The following AEBP1 variants were observed in gnomAD, a reference collection of about 807,000 sequenced individuals.
The protein encoded by AEBP1 is adipocyte enhancer-binding protein 1.
AEBP1 carries 69 observed loss-of-function variants against 116.5 expected under a neutral mutation model. The ratio of observed to expected loss-of-function variants is 0.59; its 90% CI spans 0.49 to 0.72. The LOEUF (loss-of-function observed/expected upper bound fraction) is 0.72. Among genes scored for constraint, AEBP1 ranks in the 30% least tolerant of loss-of-function variants. The pLI, the probability that AEBP1 is intolerant of heterozygous loss-of-function variation, is 0.00. For missense variants in AEBP1, 1,444 were observed against 1,557.5 expected, an observed-to-expected ratio of 0.93 and a Z score of 1.23; for synonymous variants, 627 against 627.3, an observed-to-expected ratio of 1.00 and a Z score of 0.01.
In AEBP1 at chr7:44,111,820, G is replaced by A; in HGVS notation, c.1841-34G>A. On this transcript the variant is annotated intron_variant, in intron 15 of 20. Coordinates refer to ENST00000223357, the MANE Select transcript of AEBP1 (RefSeq NM_001129.5). This position sits in a 1 kb window ranked among gnomAD's most constrained non-coding sequence, Gnocchi z 4.7. Reference sequence around the variant, plus strand: ...TCCTCAGCTGCCCTGGGCCTCGGGAGACTGAGTGCTCACTGAGGCTCCCGC... The same window carrying A: ...TCCTCAGCTGCCCTGGGCCTCGGGAAACTGAGTGCTCACTGAGGCTCCCGC... 1 of 1,599,010 alleles carries A rather than the reference G, an allele frequency of 6.3e-7. No homozygotes were observed. The highest frequency in any genetic ancestry group is 8.5e-7 in the Non-Finnish European group (1 of 1,172,338).
Position 44,112,356 on chromosome 7 carries a change from A to G in AEBP1, c.2217+35A>G. On this transcript the variant is annotated intron_variant, in intron 17 of 20. Transcript: ENST00000223357. This position sits in a 1 kb window ranked among gnomAD's most constrained non-coding sequence, Gnocchi z 6.6. Reference sequence around the variant, plus strand: ...CAGCCTGGCTGAAAGGGCAGGAGGGAGCAGCTGGACCCTGGGGTCCTGGTG... The same window carrying G: ...CAGCCTGGCTGAAAGGGCAGGAGGGGGCAGCTGGACCCTGGGGTCCTGGTG... The G allele has an allele frequency of 6.6e-7, 1 of 1,518,274 alleles. No homozygotes were observed. Among genetic ancestry groups the G allele is most frequent in the Non-Finnish European group, 8.8e-7 (1 of 1,132,786 alleles). The allele number at this position is 1,518,274 out of a possible 1,614,324, so 94.1% of individuals were successfully genotyped here. A position where few individuals can be genotyped will look rare whatever the true frequency, so the allele number is the denominator to read the frequency against.
At position 44,113,366 on chromosome 7, in the gene AEBP1, C is replaced by T. The variant is rs1409727497; in HGVS notation, c.2809+15C>T. 6.2e-7 allele frequency: 1 copy of T among 1,602,298 alleles called. No individual in the cohort carries two copies. The highest frequency in any genetic ancestry group is 2.3e-5 in the East Asian group (1 of 44,280). ...CGTGAAGACAGGTACCTAGTGTGCA[C>T]ACCTTTACCCCATCTTTCTGAGGGA... On this transcript the variant is annotated intron_variant, in intron 20 of 20. Transcript: ENST00000223357. This position sits in a 1 kb window ranked among gnomAD's most constrained non-coding sequence, Gnocchi z 5.3.
Position 44,111,371 on chromosome 7 carries a change from G to A in AEBP1, c.1716+132G>A, listed in dbSNP as rs2096229199. ...TGCTGGCTGTCCCTCACCTTAGGAA[G>A]GAGGCCAGTACCTGGGGGCTGCGTG... On this transcript the variant is annotated intron_variant, in intron 14 of 20. Coordinates refer to ENST00000223357, the MANE Select transcript of AEBP1 (RefSeq NM_001129.5). The surrounding 1 kb of genome is among the most constrained non-coding windows in gnomAD (Gnocchi z 4.7). 2 of 1,415,370 alleles carry A rather than the reference G, an allele frequency of 1.4e-6. No individual in the cohort carries two copies. Among genetic ancestry groups the A allele is most frequent in the Non-Finnish European group, 1.9e-6 (2 of 1,068,296 alleles). 87.7% of individuals were successfully genotyped at this position (1,415,370 alleles called of 1,614,324 possible).
At position 44,109,161 on chromosome 7, in the gene AEBP1, T is replaced by G. The variant is rs1181541071; in HGVS notation, c.1073T>G (p.Val358Gly). The G allele has an allele frequency of 1.2e-6, 2 of 1,613,644 alleles. No individual in the cohort carries two copies. The highest frequency in any genetic ancestry group is 3.3e-5 in the Admixed American group (2 of 60,008). The part of the protein sequence containing the change: ...SPKEETDKWA[V>G]EKGKDHKEPR... ...AAGGAGGAGACCGACAAGTGGGCAG[T>G]GGAGAAGGGCAAGGACCACAAAGGT... is the stretch of plus-strand genomic sequence containing the variant. Residue 358 changes from valine (V) to glycine (G), a missense_variant, in exon 8 of 21, where the codon GTG (valine) becomes GGG (glycine). Transcript: ENST00000223357.
chr7:44,110,610 G>A (rs563445251), intron 11 of AEBP1, 115 bp from the exon 12 acceptor site: 113 of 1,081,910 alleles, frequency 1.0e-4, no homozygotes, highest in Non-Finnish European at 1.4e-4. Context: ...CACCTGGGCC[G>A]TGCAGCACCA....
rs2096230029 is a variant in AEBP1, at chr7:44,112,039, G to A, written c.2026G>A (p.Ala676Thr). The A allele has an allele frequency of 6.2e-7, 1 of 1,612,774 alleles. No homozygotes were observed. The highest frequency in any genetic ancestry group is 1.3e-5 in the African/African-American group (1 of 74,900). ...PSLNPDGYEV[A>T]AQMGSEFGNW... ...ACTGAACCCTGATGGCTACGAGGTG[G>A]CAGCGCAGATGGTGGGTTGAAGGGT... The change falls in exon 16 of 21, where the codon GCA becomes ACA. Residue 676 changes from alanine (A) to threonine (T), a missense_variant. By Grantham distance (58) the Ala-to-Thr change is moderately conservative (BLOSUM62 0). Transcript: ENST00000223357. The surrounding 1 kb of genome is among the most constrained non-coding windows in gnomAD (Gnocchi z 6.6).
chr7:44,110,335 C>G lies in AEBP1; in HGVS notation c.1389C>G (p.Asp463Glu). ...RFTGVITQGR[D>E]SSIHDDFVTT... is the part of the protein sequence containing the mutation. Reference sequence around the variant, plus strand: ...CAGGCGTCATCACCCAGGGCAGAGACTCCAGCATCCAGTGCGTGGCCAGGC... The same window carrying G: ...CAGGCGTCATCACCCAGGGCAGAGAGTCCAGCATCCAGTGCGTGGCCAGGC... Residue 463 changes from aspartate (D) to glutamate (E), a missense_variant, in exon 11 of 21, where the codon GAC becomes GAG. Transcript: ENST00000223357. 6.2e-7 allele frequency: 1 copy of G among 1,613,698 alleles called. No homozygotes were observed. The highest frequency in any genetic ancestry group is 8.5e-7 in the Non-Finnish European group (1 of 1,180,028).
In AEBP1 at chr7:44,113,526, G is replaced by T; in HGVS notation, c.2810-68G>T. ...GAGGGGGAGGGCGGGGCTGGGGGCAGGACTGAGTGGGAGGGTGGGGGCCTG... is the reference window on the plus strand; with the variant it reads ...GAGGGGGAGGGCGGGGCTGGGGGCATGACTGAGTGGGAGGGTGGGGGCCTG... On this transcript the variant is annotated intron_variant, in intron 20 of 20. Coordinates refer to ENST00000223357, the MANE Select transcript of AEBP1 (RefSeq NM_001129.5). This position sits in a 1 kb window ranked among gnomAD's most constrained non-coding sequence, Gnocchi z 5.3. 1 of 1,458,940 alleles carries T rather than the reference G, an allele frequency of 6.9e-7. No individual in the cohort carries two copies. Among genetic ancestry groups the T allele is most frequent in the Non-Finnish European group, 9.1e-7 (1 of 1,099,822 alleles). The allele number at this position is 1,458,940 out of a possible 1,614,324, so 90.4% of individuals were successfully genotyped here. A position where few individuals can be genotyped will look rare whatever the true frequency, so the allele number is the denominator to read the frequency against.
chr7:44,109,375 G>GGGGGGC, intron 9 of AEBP1, 34 bp downstream of exon 9: 1 of 752,348 alleles, frequency 1.3e-6, no homozygotes, highest in Non-Finnish European at 2.1e-6. Context: ...GAGGGTGGGG[G>GGGGGGC]CCACAGGATG....
chr7:44,111,965 C>T lies in AEBP1; in HGVS notation c.1952C>T (p.Pro651Leu), dbSNP rs755159469. 2 of 1,613,860 alleles carry T rather than the reference C, an allele frequency of 1.2e-6. No homozygotes were observed. Among genetic ancestry groups the T allele is most frequent in the Non-Finnish European group, 8.5e-7 (1 of 1,180,022 alleles). Residue 651 changes from proline (P) to leucine (L), a missense_variant, in exon 16 of 21, where the codon CCA becomes CTA. Pro to Leu is a moderately conservative substitution (Grantham distance 98, BLOSUM62 -3). Transcript: ENST00000223357. The surrounding 1 kb of genome is among the most constrained non-coding windows in gnomAD (Gnocchi z 4.7). ...YLCREYRDGN[P>L]RVRSLVQDTR... Reference sequence around the variant, plus strand: ...TGCCGAGAGTACCGCGATGGGAACCCACGTGTGCGCAGCCTGGTGCAGGAC... The same window carrying T: ...TGCCGAGAGTACCGCGATGGGAACCTACGTGTGCGCAGCCTGGTGCAGGAC...
chr7:44,112,135 C>T lies in AEBP1; in HGVS notation c.2038-7C>T, dbSNP rs1436376377. ...TAGCCGATGCCTACCCTGCTGGCTC[C>T]CCACAGGGCTCAGAGTTTGGGAACT... On this transcript the variant is annotated splice_polypyrimidine_tract_variant and splice_region_variant and intron_variant, in intron 16 of 20. Transcript: ENST00000223357. The surrounding 1 kb of genome is among the most constrained non-coding windows in gnomAD (Gnocchi z 6.6). 3.1e-6 allele frequency: 5 copies of T among 1,595,922 alleles called. No homozygotes were observed. Among genetic ancestry groups the T allele is most frequent in the East Asian group, 2.2e-5 (1 of 44,458 alleles).
In AEBP1 at chr7:44,106,896, C is replaced by A. The variant is rs965229750; in HGVS notation, c.595+9C>A. The A allele has an allele frequency of 2.6e-6, 4 of 1,541,328 alleles. No individual in the cohort carries two copies. Among genetic ancestry groups the A allele is most frequent in the Non-Finnish European group, 3.5e-6 (4 of 1,146,218 alleles). ...GCTACCCCAGGAGGGAGGTTTGTGCCGGGCTCCTCTGGGGTGATGGGGCTC... is the reference window on the plus strand; with the variant it reads ...GCTACCCCAGGAGGGAGGTTTGTGCAGGGCTCCTCTGGGGTGATGGGGCTC... On this transcript the variant is annotated intron_variant, in intron 2 of 20. Transcript: ENST00000223357.
rs755194814 is a variant in AEBP1 at position 44,109,765 on chromosome 7, G to T, written c.1151-250G>T. The T allele has an allele frequency of 1.7e-5, 10 of 581,724 alleles. No individual in the cohort carries two copies. In the East Asian group the frequency reaches 2.9e-4, roughly 17 times the overall value. 36.0% of individuals were successfully genotyped at this position (581,724 alleles called of 1,614,324 possible). A position where few individuals can be genotyped will look rare whatever the true frequency, so the allele number is the denominator to read the frequency against. ...CCTGAGAGCTGGGCATGGTCAGCCC[G>T]TTCTCCAGATGGGGCAGCTGAGGCC... On this transcript the variant is annotated intron_variant, in intron 9 of 20. Transcript: ENST00000223357.
chr7:44,105,043 C>A, intron 1 of AEBP1, 125 bp downstream of exon 1: 1 of 877,616 alleles, frequency 1.1e-6, no homozygotes, highest in Non-Finnish European at 1.7e-6. Context: ...CTAATGCGCA[C>A]GCGAGCCCAG....
In AEBP1 at chr7:44,107,473, A is replaced by G. The variant is rs2096224129; in HGVS notation, c.630A>G (p.Gly210=). 1 of 1,613,292 alleles carries G rather than the reference A, an allele frequency of 6.2e-7. No individual in the cohort carries two copies. Among genetic ancestry groups the G allele is most frequent in the Non-Finnish European group, 8.5e-7 (1 of 1,179,996 alleles). Residue 210 remains glycine, a synonymous_variant, in exon 3 of 21, where the codon GGA becomes GGG. Transcript: ENST00000223357. This position sits in a 1 kb window ranked among gnomAD's most constrained non-coding sequence, Gnocchi z 4.3. The stretch of plus-strand genomic sequence containing the variant: ...TCTCAAATAACTGGCAGAATCCAGG[A>G]GAGGAGACCCATGTGGAGGCACGGG... ...APLSNNWQNP[G]EETHVEAREH...
Position 44,108,171 on chromosome 7 carries a change from C to T in AEBP1, c.940+87C>T. 2.2e-6 allele frequency: 3 copies of T among 1,348,432 alleles called. No homozygotes were observed. Among genetic ancestry groups the T allele is most frequent in the Middle Eastern group, 5.1e-4 (2 of 3,928 alleles). The allele number at this position is 1,348,432 out of a possible 1,614,324, so 83.5% of individuals were successfully genotyped here. A position where few individuals can be genotyped will look rare whatever the true frequency, so the allele number is the denominator to read the frequency against. ...TGGTCAGGAGCCAGCTGGGGCAACT[C>T]ACCCACCTTGCAACCCCACCTGTGC... On this transcript the variant is annotated intron_variant, in intron 6 of 20. Coordinates refer to ENST00000223357, the MANE Select transcript of AEBP1 (RefSeq NM_001129.5). The surrounding 1 kb of genome is among the most constrained non-coding windows in gnomAD (Gnocchi z 5.0).
chr7:44,111,161 C>T lies in AEBP1; in HGVS notation c.1638C>T (p.Tyr546=), dbSNP rs1389177097. The stretch of plus-strand genomic sequence containing the variant: ...ACCCCGCCTCCCTTGCAGCTGTCTA[C>T]AGCTACTACGCACAGAATGAGGTGG... ...EVLGCSVAPV[Y]SYYAQNEVVA... Residue 546 remains tyrosine (Y), a synonymous_variant, in exon 14 of 21, where the codon TAC becomes TAT. Coordinates refer to ENST00000223357, the MANE Select transcript of AEBP1 (RefSeq NM_001129.5). This position sits in a 1 kb window ranked among gnomAD's most constrained non-coding sequence, Gnocchi z 4.7. The T allele has an allele frequency of 1.3e-6, 2 of 1,546,744 alleles. No individual in the cohort carries two copies. The highest frequency in any genetic ancestry group is 1.7e-6 in the Non-Finnish European group (2 of 1,144,942).
In AEBP1 at chr7:44,113,834, G is replaced by T. The variant is rs542674696; in HGVS notation, c.3050G>T (p.Arg1017Leu). ...PSRPMTPQQR[R>L]LQQRRLQHRL... ...CGCCCTATGACCCCCCAACAGCGACGCCTGCAGCAGCGACGCCTACAACAC... is the reference window on the plus strand; with the variant it reads ...CGCCCTATGACCCCCCAACAGCGACTCCTGCAGCAGCGACGCCTACAACAC... The change falls in exon 21 of 21, where the codon CGC becomes CTC. Residue 1017 changes from arginine to leucine, a missense_variant. By Grantham distance (102) the Arg-to-Leu change is moderately radical. Coordinates refer to ENST00000223357, the MANE Select transcript of AEBP1 (RefSeq NM_001129.5). This position sits in a 1 kb window ranked among gnomAD's most constrained non-coding sequence, Gnocchi z 5.3. 3 of 1,613,708 alleles carry T rather than the reference G, an allele frequency of 1.9e-6. No individual in the cohort carries two copies. The highest frequency in any genetic ancestry group is 2.5e-6 in the Non-Finnish European group (3 of 1,179,984).
chr7:44,106,943 G>T (rs1317589743), intron 2 of AEBP1, 56 bp downstream of exon 2: 35 of 1,366,290 alleles, frequency 2.6e-5, no homozygotes, highest in Non-Finnish European at 3.3e-5. Context: ...TCGGGTGGAG[G>T]CAGGGAGTGG....
Sources: gnomAD v4.1 joint callset for allele counts on GRCh38, gnomAD v4.1.1 for gene constraint, Gnocchi (gnomAD v3.1) non-coding constraint, MANE v1.5 for transcripts, NCBI Gene and HGNC (gene_info 2026-07-23, HGNC 2026-07-21) for gene names.